The following TNNT1 variants were observed in gnomAD, a reference collection of about 807,000 sequenced individuals.
TNNT1 encodes troponin T, slow skeletal muscle.
TNNT1 carries 53 observed loss-of-function variants against 50.6 expected under a neutral mutation model. The observed-to-expected ratio is 1.05, with a 90% CI of 0.84 to 1.32. The LOEUF (loss-of-function observed/expected upper bound fraction) is 1.32, where lower values mean the gene tolerates loss of function less well. Ranked by LOEUF, TNNT1 falls within the 40% of genes most tolerant of loss-of-function variation. The pLI, the probability that TNNT1 is intolerant of heterozygous loss-of-function variation, is 0.00. For synonymous variants in TNNT1, 142 were observed against 138.0 expected (o/e 1.03, Z -0.20); for missense variants, 348 against 381.7 (o/e 0.91, Z 0.74).
Position 55,137,149 on chromosome 19 carries a change from G to T in TNNT1, c.565C>A (p.Arg189Ser). ...TAGTCAATGTCCAGAGGCTTCTTAC[G>T]CTCGGAGAGGATGCGCACCTTCATC... is the stretch of plus-strand genomic sequence containing the variant. ...REMKVRILSE[R>S]KKPLDIDYMG... Residue 189 changes from arginine to serine, a missense_variant, in exon 11 of 14, where the codon CGT becomes AGT. Coordinates refer to ENST00000588981, the MANE Select transcript of TNNT1 (RefSeq NM_003283.6). 1 of 1,605,126 alleles carries T rather than the reference G, an allele frequency of 6.2e-7. No homozygotes were observed. Among genetic ancestry groups the T allele is most frequent in the Non-Finnish European group, 8.5e-7 (1 of 1,176,076 alleles).
intron 11 of TNNT1, among the ~76,000 whole-genome samples, chr19:55,136,216 T>C (rs1324952123): frequency 1.3e-5 from 2 of 152,108 alleles, no homozygotes; most frequent in African/African-American, 4.8e-5. Flanking sequence ...AGTATCTACC[T>C]CACAGGGTTG....
chr19:55,144,556 A>T (rs1224842138), intron 6 of TNNT1, among the ~76,000 whole-genome samples: 2 of 152,204 alleles, frequency 1.3e-5, no homozygotes, highest in Non-Finnish European at 2.9e-5. Context: ...ATTTTTTAAA[A>T]TTTTTTGTAG....
chr19:55,134,887 G>A (rs1332157196), intron 11 of TNNT1, among the ~76,000 whole-genome samples: 3 of 148,048 alleles, frequency 2.0e-5, no homozygotes, highest in African/African-American at 7.5e-5. Context: ...AGAAAAGACC[G>A]AGCCCAGGCT....
At chr19:55,145,377 G>T in intron 6 of TNNT1, 167 bp downstream of exon 6, 2 of 679,366 alleles carry the variant, frequency 2.9e-6, no homozygotes, top group Non-Finnish European at 5.4e-6. Flanking sequence ...GGAGGAGGGA[G>T]AGGAGGGAGG....
At chr19:55,138,213 G>A (rs554028274) in intron 9 of TNNT1, 139 bp from the exon 10 acceptor site, 11 of 1,476,824 alleles carry the variant, frequency 7.4e-6, no homozygotes, top group South Asian at 3.6e-5. Flanking sequence ...CAGCAGAAAC[G>A]CAGGGGTACC....
At position 55,143,662 on chromosome 19, in the gene TNNT1, A is replaced by G. The variant is rs796805285; in HGVS notation, c.129-1742T>C. ...AGGAATGAATACCGGCTTGCCTCCC[A>G]CCCCTCTGGCTGTTCCATCCCTATC... On this transcript the variant is annotated intron_variant, in intron 6 of 13. Transcript: ENST00000588981. 1.8e-3 allele frequency among the ~76,000 whole-genome samples: 278 copies of G among 151,178 alleles called. 1 individual carries two copies. Among genetic ancestry groups the G allele is most frequent in the African/African-American group, 6.2e-3 (257 of 41,194 alleles).
intron 10 of TNNT1, among the ~76,000 whole-genome samples, 198 bp from the exon 11 acceptor site, chr19:55,137,410 A>T (rs2085365826): frequency 6.9e-6 from 1 of 145,758 alleles, no homozygotes; most frequent in Non-Finnish European, 1.5e-5. Context: ...CCAGACCCCC[A>T]GTCCCTTCTC....
In TNNT1 at chr19:55,132,828, G is replaced by A. The variant is rs1405658050; in HGVS notation, c.*87C>T. The A allele has an allele frequency of 4.0e-6, 5 of 1,265,240 alleles. No individual in the cohort carries two copies. Among genetic ancestry groups the A allele is most frequent in the Non-Finnish European group, 5.6e-6 (5 of 886,026 alleles). 78.4% of individuals were successfully genotyped at this position (1,265,240 alleles called of 1,614,324 possible). A position where few individuals can be genotyped will look rare whatever the true frequency, so the allele number is the denominator to read the frequency against. On this transcript the variant is annotated 3_prime_UTR_variant, in exon 14 of 14. Transcript: ENST00000588981. ...CCATAATAACATCAGAGAACCCAGC[G>A]GGTGTCTGAGGGGAGCGTTTATTTC...
chr19:55,141,936 C>G lies in TNNT1; in HGVS notation c.129-16G>C, dbSNP rs575427729. 3 of 1,613,810 alleles carry G rather than the reference C, an allele frequency of 1.9e-6. No homozygotes were observed. Among genetic ancestry groups the G allele is most frequent in the African/African-American group, 2.7e-5 (2 of 74,984 alleles). ...CACGGGGCGGCTGAGTGGACAGAAACACAGAGACCATGAGTGGCCCGACCT... is the reference window on the plus strand; with the variant it reads ...CACGGGGCGGCTGAGTGGACAGAAAGACAGAGACCATGAGTGGCCCGACCT... On this transcript the variant is annotated splice_polypyrimidine_tract_variant and intron_variant, in intron 6 of 13. Transcript: ENST00000588981.
rs1050677873 is a variant in TNNT1 at position 55,140,819 on chromosome 19, TAAC to T, written c.387+61_387+63del. ...GTAATAATAATAATAATAATAATAA[TAAC>T]AAAATGGGCATCCGGCTGAAGAAGT... On this transcript the variant is annotated intron_variant, in intron 9 of 13. Transcript: ENST00000588981. The T allele has an allele frequency of 6.8e-5, 81 of 1,196,126 alleles. 1 individual carries two copies. Among genetic ancestry groups the T allele is most frequent in the East Asian group, 1.5e-4 (6 of 40,548 alleles). 74.1% of individuals were successfully genotyped at this position (1,196,126 alleles called of 1,614,324 possible).
At chr19:55,137,037 G>A (rs770293164) in intron 11 of TNNT1, 66 bp downstream of exon 11, 1 of 1,051,422 alleles carries the variant, frequency 9.5e-7, no homozygotes, top group Non-Finnish European at 1.4e-6. Flanking sequence ...AGATCTGGGT[G>A]TGAGCTCCTT....
intron 9 of TNNT1, among the ~76,000 whole-genome samples, chr19:55,138,802 G>C (rs1480884338): frequency 1.3e-5 from 2 of 152,208 alleles, no homozygotes; most frequent in South Asian, 2.1e-4. Context: ...GATAAGACCA[G>C]GGACTGGGGA....
chr19:55,146,509 G>A (rs907974974), intron 4 of TNNT1, 43 bp from the exon 5 acceptor site: 6 of 1,246,380 alleles, frequency 4.8e-6, no homozygotes, highest in South Asian at 3.8e-5. Context: ...GGGGAGCGAG[G>A]GGGGAGCGGC....
At chr19:55,146,588 C>A in intron 4 of TNNT1, 93 bp downstream of exon 4, 1 of 1,224,072 alleles carries the variant, frequency 8.2e-7, no homozygotes, top group South Asian at 1.6e-5. Flanking sequence ...GGAGCCGAGG[C>A]CGTCGGGAGC....
intron 13 of TNNT1, 141 bp from the exon 14 acceptor site, chr19:55,133,101 AC>A (rs1347529225): frequency 1.3e-6 from 1 of 788,408 alleles, no homozygotes; most frequent in Non-Finnish European, 2.1e-6. Flanking sequence ...AACAACTGTC[AC>A]CTCTTTTGGG....
chr19:55,145,574 G>T lies in TNNT1; in HGVS notation c.107-9C>A, dbSNP rs1357883476. On this transcript the variant is annotated splice_polypyrimidine_tract_variant and intron_variant, in intron 5 of 13. Transcript: ENST00000588981. ...TTTGGGGCGTTCCTCTTCTGTTGGT[G>T]GTGGGGGATAAAAAGAGATAATTAG... The T allele has an allele frequency of 6.2e-7, 1 of 1,613,516 alleles. No individual in the cohort carries two copies. The highest frequency in any genetic ancestry group is 8.5e-7 in the Non-Finnish European group (1 of 1,179,786).
chr19:55,137,549 G>A (rs7259356), intron 10 of TNNT1, among the ~76,000 whole-genome samples: 1 of 20,360 alleles, frequency 4.9e-5, no homozygotes, highest in Middle Eastern at 0.026. Context: ...TGCAGGCCCC[G>A]AGCCCCTCCT....
Position 55,147,907 on chromosome 19 carries a change from G to C in TNNT1, c.-11-739C>G, listed in dbSNP as rs867983745. On this transcript the variant is annotated intron_variant, in intron 1 of 13. Coordinates refer to ENST00000588981, the MANE Select transcript of TNNT1 (RefSeq NM_003283.6). ...TGAGGGAGGAGCGGGCTGGGGGCCT[G>C]TACTCCTGCGTCTGAGGGAGGAGGG... 18 of 162,404 alleles carry C rather than the reference G, an allele frequency of 1.1e-4. No individual in the cohort carries two copies. In the South Asian group the frequency reaches 1.8e-3, roughly 17 times the overall value. 10.1% of individuals were successfully genotyped at this position (162,404 alleles called of 1,614,324 possible).
At chr19:55,141,033 A>T (rs1378787617) in intron 8 of TNNT1, 73 bp from the exon 9 acceptor site, 1 of 1,582,704 alleles carries the variant, frequency 6.3e-7, no homozygotes, top group Non-Finnish European at 8.7e-7. Flanking sequence ...AGGCTAATAA[A>T]CAGATTGGAG....
Sources: allele counts gnomAD v4.1 joint callset (sites outside exome capture counted in the v4.1 genomes callset), GRCh38; gene constraint gnomAD v4.1.1; transcripts MANE v1.5; gene names NCBI Gene and HGNC (gene_info 2026-07-23, HGNC 2026-07-21).